KLRG1: variants seen among roughly 807,000 people sequenced by gnomAD.
KLRG1 encodes the protein killer cell lectin-like receptor subfamily G member 1.
Under a neutral mutation model 21.8 loss-of-function variants are expected in KLRG1, and 16 were observed. The ratio of observed to expected loss-of-function variants is 0.73; its 90% CI spans 0.50 to 1.11. The LOEUF is 1.11. KLRG1 is among the 50% of genes most tolerant of loss of function. KLRG1 has a pLI of 0.00. For missense variants in KLRG1, 173 were observed against 218.3 expected (o/e 0.79, Z 1.31); for synonymous variants, 69 against 75.9 (o/e 0.91, Z 0.47).
chr12:8,964,670 T>A lies in KLRG1; in HGVS notation c.-156+14434T>A, dbSNP rs1199400169. Among the ~76,000 whole-genome samples the A allele has an allele frequency of 3.3e-5, 5 of 150,664 alleles. No individual in the cohort carries two copies. The East Asian group carries it at 7.7e-4, about 23-fold the overall frequency. ...CTCCCATTATTATTGTGTGGGAGTC[T>A]AAGTCTCTTTGTAGGTCACTAAGGA... On this transcript the variant is annotated intron_variant, in intron 1 of 4. Transcript: ENST00000539240.
At chr12:9,085,346 G>C in the KLRG1 span, among the ~76,000 whole-genome samples, 1 of 151,986 alleles carries the variant, frequency 6.6e-6, no homozygotes, top group Non-Finnish European at 1.5e-5. Flanking sequence ...AACTAGAAAT[G>C]AGTAACAGGA....
intron 3 of KLRG1, chr12:8,996,623 TACTC>T (rs1947139070): frequency 6.6e-6 from 1 of 152,244 alleles, no homozygotes; most frequent in African/African-American, 2.4e-5. Context: ...AAGGAACACT[TACTC>T]CTTTGGAATT....
At chr12:8,963,159 A>G (rs1946408229) in intron 1 of KLRG1, among the ~76,000 whole-genome samples, 1 of 152,324 alleles carries the variant, frequency 6.6e-6, no homozygotes, top group South Asian at 2.1e-4. Context: ...CTGTCAACCT[A>G]GAGTTCTATG....
intron 1 of KLRG1, among the ~76,000 whole-genome samples, chr12:8,958,703 A>G (rs1946335140): frequency 6.6e-6 from 1 of 152,114 alleles, no homozygotes; most frequent in African/African-American, 2.4e-5. Flanking sequence ...AAAAAAACCT[A>G]AGAATTAGCT....
At position 9,009,682 on chromosome 12, in the gene KLRG1, C is replaced by T. The variant is rs909660256; in HGVS notation, c.*145C>T. 3 of 1,434,992 alleles carry T rather than the reference C, an allele frequency of 2.1e-6. No individual in the cohort carries two copies. Among genetic ancestry groups the T allele is most frequent in the Non-Finnish European group, 2.7e-6 (3 of 1,098,886 alleles). The allele number at this position is 1,434,992 out of a possible 1,614,324, so 88.9% of individuals were successfully genotyped here. A position where few individuals can be genotyped will look rare whatever the true frequency, so the allele number is the denominator to read the frequency against. ...TATGGCATTAGATGCAAGACAACCT[C>T]CTAGGGATTGATGCCTAACTGATGG... is the stretch of plus-strand genomic sequence containing the variant. On this transcript the variant is annotated 3_prime_UTR_variant, in exon 5 of 5. Coordinates refer to ENST00000356986, the MANE Select transcript of KLRG1 (RefSeq NM_005810.4).
chr12:9,038,128 G>A, the KLRG1 span, among the ~76,000 whole-genome samples: 10 of 152,156 alleles, frequency 6.6e-5, no homozygotes, highest in Non-Finnish European at 1.0e-4. Context: ...GGGTGTGGTG[G>A]TGCTTGCCTA....
chr12:9,096,408 T>C, the KLRG1 span, among the ~76,000 whole-genome samples: 1 of 152,196 alleles, frequency 6.6e-6, no homozygotes, highest in African/African-American at 2.4e-5. Context: ...GCTTATCTTG[T>C]GGTGAGCAAC....
the KLRG1 span, among the ~76,000 whole-genome samples, chr12:9,149,997 T>C: frequency 6.6e-6 from 1 of 152,202 alleles, no homozygotes; most frequent in Non-Finnish European, 1.5e-5. Flanking sequence ...AAAACTCCAC[T>C]CATCCTCTAG....
At chr12:9,085,411 G>A in the KLRG1 span, among the ~76,000 whole-genome samples, 4 of 152,010 alleles carry the variant, frequency 2.6e-5, no homozygotes, top group Non-Finnish European at 5.9e-5. Context: ...CTCCTGAACA[G>A]CCAATGGGTC....
At chr12:9,023,874 A>G in the KLRG1 span, among the ~76,000 whole-genome samples, 48,914 of 151,696 alleles carry the variant, frequency 0.32, 7,897 homozygotes, top group Admixed American at 0.38. Context: ...TATAACTTTT[A>G]TACATGGTGT....
chr12:9,080,008 A>G, the KLRG1 span: 8 of 993,408 alleles, frequency 8.1e-6, no homozygotes, highest in Non-Finnish European at 1.1e-5. Flanking sequence ...AAATTATAGT[A>G]TTATTTTTAG....
chr12:9,080,089 C>G, the KLRG1 span: 1 of 1,575,838 alleles, frequency 6.3e-7, no homozygotes, highest in South Asian at 1.2e-5. Context: ...GGGCTGGAGA[C>G]TCACCCAAAA....
At chr12:9,175,849 T>C in the KLRG1 span, among the ~76,000 whole-genome samples, 1 of 152,130 alleles carries the variant, frequency 6.6e-6, no homozygotes, top group African/African-American at 2.4e-5. Flanking sequence ...ATGCTTTTTT[T>C]ACTGTTGTGG....
the KLRG1 span, among the ~76,000 whole-genome samples, chr12:9,123,841 T>TAA: frequency 7.7e-6 from 1 of 129,326 alleles, no homozygotes; most frequent in Admixed American, 7.8e-5. Context: ...CCTAATTCAA[T>TAA]GGCTTTTTTT....
the KLRG1 span, among the ~76,000 whole-genome samples, chr12:9,140,712 C>T: frequency 0.34 from 51,416 of 151,938 alleles, 10,333 homozygotes; most frequent in Non-Finnish European, 0.44. Flanking sequence ...AATTCCTCTC[C>T]TCCTGAGGTT....
rs767474874 is a variant in KLRG1 at position 8,992,289 on chromosome 12, T to C, written c.166T>C (p.Tyr56His). 6.2e-7 allele frequency: 1 copy of C among 1,612,792 alleles called. No individual in the cohort carries two copies. Among genetic ancestry groups the C allele is most frequent in the Non-Finnish European group, 8.5e-7 (1 of 1,179,430 alleles). ...LTAVLLSVLL[Y>H]QWILCQGSNY... ...TGCAGTTCTTCTGAGTGTGCTGCTATACCAGTGGATCCTGTGCCAGGGTAA... is the reference window on the plus strand; with the variant it reads ...TGCAGTTCTTCTGAGTGTGCTGCTACACCAGTGGATCCTGTGCCAGGGTAA... Residue 56 changes from tyrosine (Y) to histidine (H), a missense_variant, in exon 2 of 5, where the codon TAC becomes CAC. Coordinates refer to ENST00000356986, the MANE Select transcript of KLRG1 (RefSeq NM_005810.4).
At chr12:9,056,882 C>T in the KLRG1 span, among the ~76,000 whole-genome samples, 1 of 152,170 alleles carries the variant, frequency 6.6e-6, no homozygotes, top group African/African-American at 2.4e-5. Flanking sequence ...GACCACTCAA[C>T]GCTATAGTTC....
rs1369896843 is a variant in KLRG1, at chr12:9,003,516, T to TAAAC, written c.358-5456_358-5453dup. Among the ~76,000 whole-genome samples the TAAAC allele has an allele frequency of 3.9e-5, 6 of 152,206 alleles. No individual in the cohort carries two copies. In the East Asian group the frequency reaches 1.2e-3, roughly 29 times the overall value. ...TTTTTTCCTAATTTAAATAATTCTT[T>TAAAC]AAACAAGTTGGTTAAGAAATGCAAA... On this transcript the variant is annotated intron_variant, in intron 3 of 4. Transcript: ENST00000356986.
the KLRG1 span, chr12:9,202,463 A>C: frequency 1.2e-6 from 2 of 1,612,262 alleles, no homozygotes; most frequent in African/African-American, 2.7e-5. Flanking sequence ...GATAATGGAG[A>C]CTTTGGCTGT....
Sources: allele counts gnomAD v4.1 joint callset (sites outside exome capture counted in the v4.1 genomes callset), GRCh38; gene constraint gnomAD v4.1.1; transcripts MANE v1.5; gene names NCBI Gene and HGNC (gene_info 2026-07-23, HGNC 2026-07-21).